Variants in SHANK2 observed in about 807,000 individuals in gnomAD.
SHANK2 encodes the protein SH3 and multiple ankyrin repeat domains 2.
SHANK2 carries 43 observed loss-of-function variants against 133.7 expected under a neutral mutation model. That is an observed-to-expected ratio of 0.32 (90% confidence interval 0.25 to 0.41). The LOEUF (loss-of-function observed/expected upper bound fraction) is 0.41. SHANK2 is among the 10% of genes least tolerant of loss of function. SHANK2 has a pLI of 1.00. For missense variants in SHANK2, 1,994 were observed against 2,235.8 expected, an observed-to-expected ratio of 0.89 and a Z score of 2.18; for synonymous variants, 1,017 against 952.8, an observed-to-expected ratio of 1.07 and a Z score of -1.24.
chr11:70,832,263 A>C (rs1948737008), intron 11 of SHANK2, among the ~76,000 whole-genome samples: 1 of 152,232 alleles, frequency 6.6e-6, no homozygotes, highest in Non-Finnish European at 1.5e-5. Flanking sequence ...GTTTTAAAAA[A>C]TCTGTAAGTG....
chr11:71,139,970 G>A (rs1952522301), intron 3 of SHANK2, among the ~76,000 whole-genome samples: 1 of 152,186 alleles, frequency 6.6e-6, no homozygotes, highest in Non-Finnish European at 1.5e-5. Context: ...GGGCCGCCCA[G>A]GTGCTTCTCC....
intron 14 of SHANK2, among the ~76,000 whole-genome samples, chr11:70,702,083 CCAT>C (rs532591041): frequency 9.9e-4 from 150 of 151,324 alleles, no homozygotes; most frequent in Admixed American, 2.5e-3. Flanking sequence ...ATCATCACCG[CCAT>C]CATCATCACC....
At chr11:71,105,875 T>C (rs1332124244) in intron 6 of SHANK2, among the ~76,000 whole-genome samples, 2 of 152,178 alleles carry the variant, frequency 1.3e-5, no homozygotes, top group African/African-American at 4.8e-5. Context: ...TAAACCCTCA[T>C]GTAAGCTCTG....
At chr11:71,058,085 G>A (rs1191227487) in intron 9 of SHANK2, among the ~76,000 whole-genome samples, 10 of 151,344 alleles carry the variant, frequency 6.6e-5, no homozygotes, top group Admixed American at 3.3e-4. Flanking sequence ...TTGTAGAGAC[G>A]AGGTCCCCCG....
intron 17 of SHANK2, among the ~76,000 whole-genome samples, chr11:70,619,772 A>G (rs1279467772): frequency 6.6e-6 from 1 of 152,080 alleles, no homozygotes. Flanking sequence ...TGCCTCCATG[A>G]GGCGTGCTAG....
intron 14 of SHANK2, among the ~76,000 whole-genome samples, chr11:70,750,105 T>C (rs61886455): frequency 0.091 from 13,856 of 152,140 alleles, 817 homozygotes; most frequent in South Asian, 0.29. Context: ...CTCTGAAAAA[T>C]AAAGAGTAGC....
intron 10 of SHANK2, among the ~76,000 whole-genome samples, chr11:70,938,640 T>G (rs1012387323): frequency 6.6e-6 from 1 of 152,116 alleles, no homozygotes; most frequent in Non-Finnish European, 1.5e-5. Flanking sequence ...AAACGCGGCT[T>G]CTAGTCGAGG....
chr11:70,852,651 T>G (rs1949104382), intron 11 of SHANK2, among the ~76,000 whole-genome samples: 1 of 152,218 alleles, frequency 6.6e-6, no homozygotes. Context: ...GAGACCAGCC[T>G]GGCCAACATA....
At chr11:70,617,326 T>A (rs1175730289) in intron 17 of SHANK2, among the ~76,000 whole-genome samples, 1 of 150,598 alleles carries the variant, frequency 6.6e-6, no homozygotes, top group African/African-American at 2.4e-5. Context: ...TGTGTGTGAG[T>A]GTGTAGTGCA....
At chr11:70,729,660 G>A (rs1442440371) in intron 14 of SHANK2, among the ~76,000 whole-genome samples, 1 of 151,644 alleles carries the variant, frequency 6.6e-6, no homozygotes, top group Non-Finnish European at 1.5e-5. Context: ...GAGTAGCTGG[G>A]ACTACAGGTG....
intron 14 of SHANK2, among the ~76,000 whole-genome samples, chr11:70,790,427 T>C (rs1332780062): frequency 1.3e-5 from 2 of 152,244 alleles, no homozygotes; most frequent in Admixed American, 1.3e-4. Flanking sequence ...GAGGGTATTT[T>C]GTAGATGTGG....
chr11:71,218,730 G>T (rs183783139), intron 2 of SHANK2, among the ~76,000 whole-genome samples: 1 of 152,154 alleles, frequency 6.6e-6, no homozygotes, highest in Non-Finnish European at 1.5e-5. Context: ...AAAGACTCAC[G>T]TGAAAATCCA....
chr11:71,078,846 G>T (rs1403442579), intron 8 of SHANK2, among the ~76,000 whole-genome samples: 1 of 152,382 alleles, frequency 6.6e-6, no homozygotes, highest in East Asian at 1.9e-4. Flanking sequence ...CCTCTGAGCT[G>T]CTGCTTTGGG....
chr11:70,607,116 G>A (rs1445566073), intron 17 of SHANK2, among the ~76,000 whole-genome samples: 1 of 152,182 alleles, frequency 6.6e-6, no homozygotes, highest in Non-Finnish European at 1.5e-5. Context: ...CCTCAGACGG[G>A]GGCGGCCTTC....
chr11:71,220,308 C>T (rs1266882362), intron 2 of SHANK2, among the ~76,000 whole-genome samples: 1 of 152,126 alleles, frequency 6.6e-6, no homozygotes, highest in Non-Finnish European at 1.5e-5. Context: ...GAAATTGGAA[C>T]CTTTGAGCCT....
At chr11:70,923,861 A>G (rs1379760779) in intron 10 of SHANK2, among the ~76,000 whole-genome samples, 2 of 152,106 alleles carry the variant, frequency 1.3e-5, no homozygotes, top group East Asian at 1.9e-4. Flanking sequence ...CCAAGCATCA[A>G]TGTCTTAACC....
At chr11:70,495,152 G>A (rs1010615142) in intron 21 of SHANK2, among the ~76,000 whole-genome samples, 1 of 152,178 alleles carries the variant, frequency 6.6e-6, no homozygotes, top group East Asian at 1.9e-4. Flanking sequence ...CAGCTCCTCC[G>A]GCTGCAGCAG....
At chr11:70,738,700 G>C (rs375804408) in intron 14 of SHANK2, among the ~76,000 whole-genome samples, 1 of 152,168 alleles carries the variant, frequency 6.6e-6, no homozygotes, top group Admixed American at 6.6e-5. Context: ...ACCCCCATCA[G>C]TGCTGACCCG....
At chr11:70,563,338 C>T (rs1205831105) in intron 17 of SHANK2, among the ~76,000 whole-genome samples, 3 of 152,206 alleles carry the variant, frequency 2.0e-5, no homozygotes, top group Non-Finnish European at 4.4e-5. Flanking sequence ...GAACTTACAA[C>T]AGTACACTTC....
Sources: gnomAD v4.1 joint callset for allele counts (sites outside exome capture counted in the v4.1 genomes callset) on GRCh38, gnomAD v4.1.1 for gene constraint, MANE v1.5 for transcripts, NCBI Gene and HGNC (gene_info 2026-07-23, HGNC 2026-07-21) for gene names.